ERBIN: variants seen among roughly 807,000 people sequenced by gnomAD.
ERBIN encodes erbb2 interacting protein, also known as densin-180-like protein.
ERBIN carries 60 observed loss-of-function variants against 158.4 expected under a neutral mutation model. The observed-to-expected ratio is 0.38, with a 90% confidence interval of 0.31 to 0.47. ERBIN has a LOEUF of 0.47. ERBIN is among the 20% of genes least tolerant of loss of function. The probability of loss-of-function intolerance (pLI) is 0.99; values close to 1 mark genes in which losing one functional copy is unlikely to be tolerated. For missense variants in ERBIN, 1,610 were observed against 1,648.0 expected (o/e 0.98, Z 0.40); for synonymous variants, 594 against 557.2 (o/e 1.07, Z -0.93).
intron 25 of ERBIN, among the ~76,000 whole-genome samples, 153 bp from the exon 26 acceptor site, chr5:66,078,268 CTT>C (rs1762195061): frequency 6.6e-6 from 1 of 152,132 alleles, no homozygotes; most frequent in South Asian, 2.1e-4. Context: ...TCTTCAGAGA[CTT>C]TATTCCTTGG....
At chr5:65,936,886 G>A (rs965827019) in intron 1 of ERBIN, among the ~76,000 whole-genome samples, 10 of 152,304 alleles carry the variant, frequency 6.6e-5, no homozygotes, top group Admixed American at 6.5e-4. Context: ...TCTGAAGAGT[G>A]TGTATCAATT....
chr5:65,950,787 T>G (rs1036093429), intron 1 of ERBIN, among the ~76,000 whole-genome samples: 3 of 151,696 alleles, frequency 2.0e-5, no homozygotes, highest in Admixed American at 6.6e-5. Flanking sequence ...AGCATTCATA[T>G]GTATTTTTTT....
At chr5:66,004,247 G>C (rs1286334984) in intron 4 of ERBIN, among the ~76,000 whole-genome samples, 1 of 151,836 alleles carries the variant, frequency 6.6e-6, no homozygotes, top group East Asian at 1.9e-4. Flanking sequence ...TGCCTGGCCA[G>C]CAGAATTTTG....
rs1217469941 is a variant in ERBIN at position 65,941,313 on chromosome 5, T to TAA, written c.-58+14525_-58+14526dup. Among the ~76,000 whole-genome samples the TAA allele has an allele frequency of 1.9e-3, 109 of 58,870 alleles. 1 individual carries two copies. The highest frequency in any genetic ancestry group is 6.8e-3 in the Middle Eastern group (1 of 146). The allele number at this position is 58,870 out of a possible 152,430, so 38.6% of individuals were successfully genotyped here. ...GTGAGAAACACCCAAGAATGATCAA[T>TAA]AAAAAAAAAAAAAAAAAAAGAACAA... On this transcript the variant is annotated intron_variant, in intron 1 of 25. Coordinates refer to ENST00000284037, the MANE Select transcript of ERBIN (RefSeq NM_001253697.2).
rs1296847312 is a variant in ERBIN, at chr5:66,075,191, T to G, written c.3924T>G (p.His1308Gln). The G allele has an allele frequency of 1.2e-6, 2 of 1,614,044 alleles. No homozygotes were observed. Among genetic ancestry groups the G allele is most frequent in the Non-Finnish European group, 1.7e-6 (2 of 1,180,014 alleles). The change falls in exon 23 of 26, where the codon CAT (histidine) becomes CAG (glutamine). Residue 1308 changes from histidine (H) to glutamine (Q), a missense_variant. By Grantham distance (24) the His-to-Gln change is conservative. Transcript: ENST00000284037. ...ACCAGCCTCCATATACACAGCCCCATTGTTCTCCTAGACAAGGCCATGAAC... is the reference window on the plus strand; with the variant it reads ...ACCAGCCTCCATATACACAGCCCCAGTGTTCTCCTAGACAAGGCCATGAAC... ...VAHQPPYTQP[H>Q]CSPRQGHELA...
At position 66,078,448 on chromosome 5, in the gene ERBIN, T is replaced by C. The variant is rs1762212918; in HGVS notation, c.4157T>C (p.Ile1386Thr). The C allele has an allele frequency of 1.3e-6, 2 of 1,585,180 alleles. No individual in the cohort carries two copies. The highest frequency in any genetic ancestry group is 2.0e-5 in the Admixed American group (1 of 51,028). ...IQANGYSFIN[I>T]EHGQAVSLLK... Reference sequence around the variant, plus strand: ...GCTAATGGCTACAGTTTTATAAATATTGAACATGGACAAGCAGTGTCCTTG... The same window carrying C: ...GCTAATGGCTACAGTTTTATAAATACTGAACATGGACAAGCAGTGTCCTTG... Residue 1386 changes from isoleucine to threonine, a missense_variant, in exon 26 of 26, where the codon ATT (isoleucine) becomes ACT (threonine). Ile to Thr is a moderately conservative substitution (Grantham distance 89). This residue lies in a region of ERBIN where 1,014 missense variants were observed against 936.1 expected (regional missense o/e 1.08). Transcript: ENST00000284037.
intron 1 of ERBIN, among the ~76,000 whole-genome samples, chr5:65,956,259 G>C (rs750421758): frequency 2.6e-5 from 4 of 151,912 alleles, no homozygotes; most frequent in Non-Finnish European, 5.9e-5. Flanking sequence ...GTGGGTGTGT[G>C]GTGGTAGTGG....
intron 21 of ERBIN, among the ~76,000 whole-genome samples, chr5:66,061,146 G>T (rs1240155467): frequency 6.6e-6 from 1 of 152,158 alleles, no homozygotes; most frequent in Non-Finnish European, 1.5e-5. Context: ...ACAGTGGGGT[G>T]TTAAAGTCTC....
intron 1 of ERBIN, among the ~76,000 whole-genome samples, chr5:65,988,429 G>T (rs1204111531): frequency 1.3e-5 from 2 of 151,800 alleles, no homozygotes; most frequent in Non-Finnish European, 2.9e-5. Context: ...GTGTGTGTGT[G>T]TGTGTGCATA....
chr5:65,980,135 A>G (rs1750489196), intron 1 of ERBIN, among the ~76,000 whole-genome samples: 1 of 152,278 alleles, frequency 6.6e-6, no homozygotes, highest in East Asian at 1.9e-4. Flanking sequence ...TAAATATGAT[A>G]CTGGGTGTGG....
chr5:65,938,096 T>C (rs920401029), intron 1 of ERBIN, among the ~76,000 whole-genome samples: 2 of 152,230 alleles, frequency 1.3e-5, no homozygotes, highest in African/African-American at 4.8e-5. Flanking sequence ...TATCTGTGTT[T>C]CTTGTTGATA....
Position 65,984,006 on chromosome 5 carries a change from C to G in ERBIN, c.-57-4629C>G, listed in dbSNP as rs370349534. On this transcript the variant is annotated intron_variant, in intron 1 of 25. Coordinates refer to ENST00000284037, the MANE Select transcript of ERBIN (RefSeq NM_001253697.2). ...CACTGTCCCCCAGCCAGCTGCCCTT[C>G]TCCCACCTGCTTCCCGTGTGGCAGC... Among the ~76,000 whole-genome samples the G allele has an allele frequency of 3.3e-5, 5 of 152,306 alleles. No homozygotes were observed. The South Asian group carries it at 8.3e-4, about 25-fold the overall frequency.
intron 1 of ERBIN, among the ~76,000 whole-genome samples, chr5:65,940,415 TGGG>T (rs1170691619): frequency 2.6e-5 from 2 of 78,056 alleles, no homozygotes; most frequent in Admixed American, 2.8e-4. Context: ...GGGAGGGAGG[TGGG>T]GGGGTCAGCC....
At position 66,044,199 on chromosome 5, in the gene ERBIN, T is replaced by C. The variant is rs756234955; in HGVS notation, c.1491T>C (p.Thr497=). Reference sequence around the variant, plus strand: ...ATGAGCTTAAGAATATGGTCAAAACTGTTCAAACCATTGTACATAGATTAA... The same window carrying C: ...ATGAGCTTAAGAATATGGTCAAAACCGTTCAAACCATTGTACATAGATTAA... ...YPDELKNMVK[T]VQTIVHRLKD... is the part of the protein sequence containing the mutation. The change falls in exon 17 of 26, where the codon ACT becomes ACC. Residue 497 remains threonine, a synonymous_variant. Coordinates refer to ENST00000284037, the MANE Select transcript of ERBIN (RefSeq NM_001253697.2). 1.9e-6 allele frequency: 3 copies of C among 1,609,302 alleles called. No homozygotes were observed. Among genetic ancestry groups the C allele is most frequent in the Non-Finnish European group, 2.5e-6 (3 of 1,178,258 alleles).
chr5:66,045,298 A>G (rs1057387822), intron 17 of ERBIN, among the ~76,000 whole-genome samples: 81 of 152,168 alleles, frequency 5.3e-4, no homozygotes, highest in African/African-American at 1.7e-3. Flanking sequence ...CTATAGTCAG[A>G]TATGTTTGCA....
intron 1 of ERBIN, 120 bp from the exon 2 acceptor site, chr5:65,988,515 G>A (rs1167631954): frequency 2.0e-5 from 3 of 152,100 alleles, no homozygotes; most frequent in Admixed American, 6.5e-5. Flanking sequence ...GTTTACAGAG[G>A]TTAATTTTTG....
intron 1 of ERBIN, among the ~76,000 whole-genome samples, chr5:65,949,024 A>G (rs1561283482): frequency 2.0e-5 from 3 of 152,082 alleles, no homozygotes; most frequent in Admixed American, 6.6e-5. Context: ...TTGGCCTCCC[A>G]GAGTTCTAGG....
intron 4 of ERBIN, among the ~76,000 whole-genome samples, chr5:66,003,672 G>A (rs986250820): frequency 2.0e-5 from 3 of 152,132 alleles, no homozygotes; most frequent in African/African-American, 7.2e-5. Flanking sequence ...GGATTGGTGT[G>A]ATATTGATGT....
At chr5:65,998,336 C>G (rs975069772) in intron 4 of ERBIN, among the ~76,000 whole-genome samples, 57 of 150,842 alleles carry the variant, frequency 3.8e-4, no homozygotes, top group Admixed American at 9.9e-4. Flanking sequence ...GGATTATGAT[C>G]AAATCAGGAC....
Sources: gnomAD v4.1 joint callset for allele counts (sites outside exome capture counted in the v4.1 genomes callset) on GRCh38, gnomAD v4.1.1 for gene constraint, gnomAD v4.1.1 regional missense constraint, MANE v1.5 for transcripts, NCBI Gene and HGNC (gene_info 2026-07-23, HGNC 2026-07-21) for gene names.